The following FHDC1 variants were observed in gnomAD, a reference collection of about 807,000 sequenced individuals.
FHDC1 encodes the protein FH2 domain-containing protein 1.
In FHDC1, 25 loss-of-function variants were observed where a neutral mutation model predicts 52.6. The ratio of observed to expected loss-of-function variants is 0.48; its 90% confidence interval spans 0.35 to 0.66. The LOEUF is 0.66. Ranked by LOEUF, FHDC1 falls within the 30% of genes least tolerant of loss-of-function variation. The pLI is 0.01. For missense variants in FHDC1, 1,459 were observed against 1,452.8 expected (o/e 1.00, Z -0.07); for synonymous variants, 616 against 581.5 (o/e 1.06, Z -0.85).
At position 152,974,764 on chromosome 4, in the gene FHDC1, G is replaced by A. The variant is rs762040892; in HGVS notation, c.1473G>A (p.Glu491=). The change falls in exon 12 of 12, where the codon GAG becomes GAA. Residue 491 remains glutamate, a synonymous_variant. Transcript: ENST00000511601. ...AGCAGCGCTCCTGGGCAACTGGGGA[G>A]CTGGGGGCATTTGGCCGGAGCAGCA... ...EQKQRSWATG[E]LGAFGRSSSE... is the part of the protein sequence containing the mutation. 7 of 1,533,590 alleles carry A rather than the reference G, an allele frequency of 4.6e-6. No homozygotes were observed. Among genetic ancestry groups the A allele is most frequent in the Non-Finnish European group, 6.1e-6 (7 of 1,138,352 alleles). 95.0% of individuals were successfully genotyped at this position (1,533,590 alleles called of 1,614,324 possible). A position where few individuals can be genotyped will look rare whatever the true frequency, so the allele number is the denominator to read the frequency against.
At chr4:152,954,831 C>G (rs979848963) in intron 4 of FHDC1, among the ~76,000 whole-genome samples, 5 of 152,140 alleles carry the variant, frequency 3.3e-5, no homozygotes, top group Non-Finnish European at 5.9e-5. Context: ...AATCTAGATT[C>G]AGATTTGAGC....
At chr4:152,964,681 T>C (rs1740406443) in intron 8 of FHDC1, among the ~76,000 whole-genome samples, 1 of 152,192 alleles carries the variant, frequency 6.6e-6, no homozygotes, top group African/African-American at 2.4e-5. Flanking sequence ...TTAATTGTAT[T>C]TTGTGTCAAG....
At chr4:152,964,358 C>T (rs1003146312) in intron 8 of FHDC1, among the ~76,000 whole-genome samples, 9 of 152,214 alleles carry the variant, frequency 5.9e-5, no homozygotes, top group African/African-American at 1.7e-4. Context: ...GGATAGTATT[C>T]GGGCAAAGCT....
At chr4:152,965,284 C>T (rs1225008572) in intron 9 of FHDC1, among the ~76,000 whole-genome samples, 1 of 152,194 alleles carries the variant, frequency 6.6e-6, no homozygotes, top group Non-Finnish European at 1.5e-5. Context: ...AACAGCACCA[C>T]CTATTTCCTT....
the FHDC1 span, among the ~76,000 whole-genome samples, chr4:152,928,552 C>G: frequency 5.9e-5 from 9 of 152,318 alleles, no homozygotes; most frequent in African/African-American, 2.2e-4. Context: ...TCATTGCTTT[C>G]TGTTTTTTAC....
At chr4:152,950,160 C>T (rs558689376) in intron 2 of FHDC1, among the ~76,000 whole-genome samples, 1 of 152,252 alleles carries the variant, frequency 6.6e-6, no homozygotes, top group South Asian at 2.1e-4. Flanking sequence ...TTCCACTGCT[C>T]TGAATGATTC....
At chr4:152,914,487 A>G in the FHDC1 span, among the ~76,000 whole-genome samples, 2 of 152,066 alleles carry the variant, frequency 1.3e-5, no homozygotes, top group African/African-American at 2.4e-5. Context: ...CCATAACTCT[A>G]CTCTTGTGCA....
At chr4:152,923,874 T>C in the FHDC1 span, among the ~76,000 whole-genome samples, 1 of 152,186 alleles carries the variant, frequency 6.6e-6, no homozygotes, top group Non-Finnish European at 1.5e-5. Context: ...GATTAAAGAC[T>C]TAAACATTAG....
chr4:152,936,738 G>A (rs1739391512), intron 1 of FHDC1, among the ~76,000 whole-genome samples: 1 of 152,266 alleles, frequency 6.6e-6, no homozygotes, highest in Non-Finnish European at 1.5e-5. Flanking sequence ...CGCCAAGGCT[G>A]CTGCGGGTCG....
intron 1 of FHDC1, among the ~76,000 whole-genome samples, chr4:152,940,421 A>G (rs1303500309): frequency 6.6e-6 from 1 of 152,246 alleles, no homozygotes; most frequent in Non-Finnish European, 1.5e-5. Flanking sequence ...ATGCAGAGCT[A>G]ACAAGTGTCA....
chr4:152,976,365 T>C lies in FHDC1; in HGVS notation c.3074T>C (p.Val1025Ala). ...EEPKTPSVPS[V>A]PHELPRVPSF... Reference sequence around the variant, plus strand: ...CCCAAGACCCCGTCAGTGCCCAGCGTCCCCCACGAACTACCCCGTGTCCCG... The same window carrying C: ...CCCAAGACCCCGTCAGTGCCCAGCGCCCCCCACGAACTACCCCGTGTCCCG... The change falls in exon 12 of 12, where the codon GTC becomes GCC. Residue 1025 changes from valine to alanine, a missense_variant. Val to Ala is a moderately conservative substitution (Grantham distance 64). Around this residue, in one of 3 missense-constraint regions of FHDC1, gnomAD observed 939 missense variants for 854.5 expected, o/e 1.10. Transcript: ENST00000511601. 6.2e-7 allele frequency: 1 copy of C among 1,613,572 alleles called. No homozygotes were observed. The highest frequency in any genetic ancestry group is 8.5e-7 in the Non-Finnish European group (1 of 1,179,970).
At chr4:152,951,363 T>C (rs1364839036) in intron 2 of FHDC1, among the ~76,000 whole-genome samples, 1 of 152,116 alleles carries the variant, frequency 6.6e-6, no homozygotes, top group African/African-American at 2.4e-5. Context: ...CCTTTCTTTC[T>C]CTCCTCTCCT....
the FHDC1 span, among the ~76,000 whole-genome samples, chr4:152,915,174 TAAG>T: frequency 2.0e-5 from 3 of 152,186 alleles, no homozygotes; most frequent in Non-Finnish European, 4.4e-5. Context: ...ATTCAGCTCT[TAAG>T]AAAAGCACGG....
In FHDC1 at chr4:152,976,351, G is replaced by A. The variant is rs986472114; in HGVS notation, c.3060G>A (p.Pro1020=). 3.7e-6 allele frequency: 6 copies of A among 1,613,654 alleles called. No homozygotes were observed. The African/African-American group carries it at 6.7e-5, about 18-fold the overall frequency. ...PESPKEEPKT[P]SVPSVPHELP... ...GTCCCAAAGAAGAGCCCAAGACCCC[G>A]TCAGTGCCCAGCGTCCCCCACGAAC... Residue 1020 remains proline, a synonymous_variant, in exon 12 of 12, where the codon CCG becomes CCA. Transcript: ENST00000511601.
In FHDC1 at chr4:152,960,556, G is replaced by A. The variant is rs768431824; in HGVS notation, c.664-9G>A. 1 of 1,611,362 alleles carries A rather than the reference G, an allele frequency of 6.2e-7. No homozygotes were observed. Among genetic ancestry groups the A allele is most frequent in the East Asian group, 2.2e-5 (1 of 44,848 alleles). The stretch of plus-strand genomic sequence containing the variant: ...TTTTATATACCCCCCCTTTCCATTT[G>A]TCTTTTAGGTAAAGAAGTTAAAAGC... On this transcript the variant is annotated splice_polypyrimidine_tract_variant and intron_variant, in intron 4 of 11. Transcript: ENST00000511601.
chr4:152,917,872 C>G, the FHDC1 span, among the ~76,000 whole-genome samples: 1 of 152,110 alleles, frequency 6.6e-6, no homozygotes, highest in African/African-American at 2.4e-5. Flanking sequence ...ACCATATTTT[C>G]TCTGTGAAGC....
Position 152,977,004 on chromosome 4 carries a change from G to T in FHDC1, c.*281G>T, listed in dbSNP as rs763902513. ...CCCTCCCCCAAAGCCCGGATCCCGA[G>T]AAAGATTTAGTAGGAGTGTAAAGTG... On this transcript the variant is annotated 3_prime_UTR_variant, in exon 12 of 12. Coordinates refer to ENST00000511601, the MANE Select transcript of FHDC1 (RefSeq NM_001371116.1). 5 of 286,242 alleles carry T rather than the reference G, an allele frequency of 1.7e-5. No individual in the cohort carries two copies. The highest frequency in any genetic ancestry group is 3.1e-5 in the Non-Finnish European group (5 of 160,012). The allele number at this position is 286,242 out of a possible 1,614,324, so 17.7% of individuals were successfully genotyped here. A position where few individuals can be genotyped will look rare whatever the true frequency, so the allele number is the denominator to read the frequency against.
intron 9 of FHDC1, among the ~76,000 whole-genome samples, chr4:152,965,763 AC>A (rs1740438908): frequency 6.6e-6 from 1 of 152,190 alleles, no homozygotes; most frequent in Non-Finnish European, 1.5e-5. Context: ...AGGAAGAGAC[AC>A]CCACAGTTGG....
rs755919236 is a variant in FHDC1, at chr4:152,962,838, A to T, written c.875A>T (p.His292Leu). 6.2e-7 allele frequency: 1 copy of T among 1,614,148 alleles called. No homozygotes were observed. Among genetic ancestry groups the T allele is most frequent in the Non-Finnish European group, 8.5e-7 (1 of 1,180,010 alleles). Residue 292 changes from histidine (H) to leucine (L), a missense_variant, in exon 7 of 12, where the codon CAT becomes CTT. Coordinates refer to ENST00000511601, the MANE Select transcript of FHDC1 (RefSeq NM_001371116.1). ...IKELMSCEEL[H>L]SILHLVLQAG... is the part of the protein sequence containing the mutation. Reference sequence around the variant, plus strand: ...GAACTGATGTCATGTGAAGAGCTACATTCAATATTACACTTGGTGCTCCAG... The same window carrying T: ...GAACTGATGTCATGTGAAGAGCTACTTTCAATATTACACTTGGTGCTCCAG...
Sources: allele counts gnomAD v4.1 joint callset (sites outside exome capture counted in the v4.1 genomes callset), GRCh38; gene constraint gnomAD v4.1.1; regional missense constraint gnomAD v4.1.1; transcripts MANE v1.5; gene names NCBI Gene and HGNC (gene_info 2026-07-23, HGNC 2026-07-21).